Variants in ARRDC1 observed in about 807,000 individuals in gnomAD.
ARRDC1 encodes the protein arrestin domain-containing protein 1.
ARRDC1 carries 37 observed loss-of-function variants against 40.1 expected under a neutral mutation model. That is an observed-to-expected ratio of 0.92 (90% CI 0.71 to 1.21). The LOEUF is 1.21. Ranked by LOEUF, ARRDC1 falls within the 50% of genes most tolerant of loss-of-function variation. The probability of loss-of-function intolerance (pLI) is 0.00; values close to 1 mark genes in which losing one functional copy is unlikely to be tolerated. For synonymous variants in ARRDC1, 310 were observed against 262.5 expected (o/e 1.18, Z -1.75); for missense variants, 641 against 581.9 (o/e 1.10, Z -1.04).
At position 137,614,142 on chromosome 9, in the gene ARRDC1, A is replaced by G. The variant is rs2133346490; in HGVS notation, c.546A>G (p.Ala182=). 2 of 1,613,074 alleles carry G rather than the reference A, an allele frequency of 1.2e-6. No individual in the cohort carries two copies. The highest frequency in any genetic ancestry group is 1.7e-6 in the Non-Finnish European group (2 of 1,179,468). Residue 182 remains alanine, a synonymous_variant, in exon 5 of 8, where the codon GCA becomes GCG. Coordinates refer to ENST00000371421, the MANE Select transcript of ARRDC1 (RefSeq NM_152285.4). ...TCCGCGGCTATGTGGTGGGGCAGGC[A>G]CTGCAGCTGCATGCCGACGTTGAGA... is the stretch of plus-strand genomic sequence containing the variant. The part of the protein sequence containing the change: ...TDLRGYVVGQ[A]LQLHADVENQ...
Position 137,614,682 on chromosome 9 carries a change from G to C in ARRDC1, c.919G>C (p.Val307Leu), listed in dbSNP as rs1842629224. ...LGLPPGAPPL[V>L]VPSAPPQEEA... ...GCTGCCTCCTGGGGCCCCACCCCTG[G>C]TGGTGCCTTCCGCACCACCCCAGGA... Residue 307 changes from valine (V) to leucine (L), a missense_variant, in exon 7 of 8, where the codon GTG (valine) becomes CTG (leucine). By Grantham distance (32) the Val-to-Leu change is conservative. Transcript: ENST00000371421. 6.2e-7 allele frequency: 1 copy of C among 1,612,124 alleles called. No individual in the cohort carries two copies. Among genetic ancestry groups the C allele is most frequent in the Non-Finnish European group, 8.5e-7 (1 of 1,179,734 alleles).
At chr9:137,606,007 C>G (rs1842416368) in intron 1 of ARRDC1, among the ~76,000 whole-genome samples, 172 bp downstream of exon 1, 1 of 151,570 alleles carries the variant, frequency 6.6e-6, no homozygotes, top group Non-Finnish European at 1.5e-5. Flanking sequence ...GGCGGCGCCG[C>G]CCTTCCGCGT....
rs926979871 is a variant in ARRDC1, at chr9:137,614,432, C to T, written c.752C>T (p.Ala251Val). The change falls in exon 6 of 8, where the codon GCC becomes GTC. Residue 251 changes from alanine to valine, a missense_variant. Ala to Val is a moderately conservative substitution (Grantham distance 64). Transcript: ENST00000371421. ...CTGGTGCCTGCCTTGCCCCAGTCGG[C>T]CCTGCCGGGCTGCAGCCTCATCCAC... is the stretch of plus-strand genomic sequence containing the variant. ...QILVPALPQS[A>V]LPGCSLIHID... 4.3e-6 allele frequency: 7 copies of T among 1,613,208 alleles called. No individual in the cohort carries two copies. Among genetic ancestry groups the T allele is most frequent in the Non-Finnish European group, 5.1e-6 (6 of 1,179,954 alleles).
At chr9:137,610,832 G>A (rs764176629) in intron 1 of ARRDC1, among the ~76,000 whole-genome samples, 35 of 152,198 alleles carry the variant, frequency 2.3e-4, no homozygotes, top group Admixed American at 7.9e-4. Flanking sequence ...CGAAGTGCTG[G>A]GATTACAGGC....
At position 137,612,958 on chromosome 9, in the gene ARRDC1, G is replaced by T; in HGVS notation, c.181G>T (p.Val61Leu). Residue 61 changes from valine (V) to leucine (L), a missense_variant, in exon 2 of 8, where the codon GTA (valine) becomes TTA (leucine). By Grantham distance (32) the Val-to-Leu change is conservative. Transcript: ENST00000371421. ...VSNKANDTAW[V>L]VEEGYFNSSL... ...CAACAAGGCTAATGACACAGCGTGG[G>T]TAGTGGAGGAGGGTTACTTCAACAG... is the stretch of plus-strand genomic sequence containing the variant. The T allele has an allele frequency of 6.2e-7, 1 of 1,614,234 alleles. No homozygotes were observed. Among genetic ancestry groups the T allele is most frequent in the Non-Finnish European group, 8.5e-7 (1 of 1,180,020 alleles).
Position 137,615,056 on chromosome 9 carries a change from C to A in ARRDC1, c.1238-18C>A. The A allele has an allele frequency of 6.2e-7, 1 of 1,608,312 alleles. No homozygotes were observed. Among genetic ancestry groups the A allele is most frequent in the Non-Finnish European group, 8.5e-7 (1 of 1,176,942 alleles). ...GGGACGCCAAGAGCCCCACGCAGAC[C>A]CTGCTTTCTTCCCGCAGAGGCCCCA... On this transcript the variant is annotated intron_variant, in intron 7 of 7. Coordinates refer to ENST00000371421, the MANE Select transcript of ARRDC1 (RefSeq NM_152285.4).
rs761485602 is a variant in ARRDC1, at chr9:137,605,703, C to G, written c.-15C>G. On this transcript the variant is annotated 5_prime_UTR_variant, in exon 1 of 8. Coordinates refer to ENST00000371421, the MANE Select transcript of ARRDC1 (RefSeq NM_152285.4). Reference sequence around the variant, plus strand: ...GCGGGGGCGTCGCTGCGCGGCTGGCCGGTGAGGCCGCGGCATGGGGCGAGT... The same window carrying G: ...GCGGGGGCGTCGCTGCGCGGCTGGCGGGTGAGGCCGCGGCATGGGGCGAGT... 13 of 1,345,700 alleles carry G rather than the reference C, an allele frequency of 9.7e-6. No individual in the cohort carries two copies. The highest frequency in any genetic ancestry group is 1.5e-5 in the African/African-American group (1 of 64,944). 83.4% of individuals were successfully genotyped at this position (1,345,700 alleles called of 1,614,324 possible). A position where few individuals can be genotyped will look rare whatever the true frequency, so the allele number is the denominator to read the frequency against.
chr9:137,610,106 C>T (rs966746606), intron 1 of ARRDC1, among the ~76,000 whole-genome samples: 1 of 152,186 alleles, frequency 6.6e-6, no homozygotes, highest in Non-Finnish European at 1.5e-5. Context: ...AGCCACTGCG[C>T]CCGGCCGGGT....
chr9:137,613,032 T>C (rs1239638242), intron 2 of ARRDC1, 26 bp downstream of exon 2: 1 of 1,559,208 alleles, frequency 6.4e-7, no homozygotes, highest in East Asian at 2.2e-5. Flanking sequence ...AGTTCCCGAG[T>C]GGTGACCCCT....
rs759101358 is a variant in ARRDC1, at chr9:137,613,619, T to C, written c.285T>C (p.Thr95=). ...CAGTGCCTGCTCTCTCCCCAGCCAC[T>C]GCACCCACGTCCTTTGAGGGTCCTT... ...SFPFQFLLPA[T]APTSFEGPFG... is the part of the protein sequence containing the mutation. Residue 95 remains threonine (T), a synonymous_variant, in exon 4 of 8, where the codon ACT becomes ACC. Coordinates refer to ENST00000371421, the MANE Select transcript of ARRDC1 (RefSeq NM_152285.4). 1.9e-6 allele frequency: 3 copies of C among 1,614,216 alleles called. No homozygotes were observed. Among genetic ancestry groups the C allele is most frequent in the East Asian group, 2.2e-5 (1 of 44,888 alleles).
In ARRDC1 at chr9:137,614,448, C is replaced by G. The variant is rs1588992141; in HGVS notation, c.768C>G (p.Ser256Arg). 1 of 1,613,454 alleles carries G rather than the reference C, an allele frequency of 6.2e-7. No homozygotes were observed. The highest frequency in any genetic ancestry group is 8.5e-7 in the Non-Finnish European group (1 of 1,179,954). The change falls in exon 6 of 8, where the codon AGC (serine) becomes AGG (arginine). Residue 256 changes from serine to arginine, a missense_variant. By Grantham distance (110) the Ser-to-Arg change is moderately radical. Coordinates refer to ENST00000371421, the MANE Select transcript of ARRDC1 (RefSeq NM_152285.4). Reference protein sequence around the residue: ...ALPQSALPGCSLIHIDYYLQV... With the variant: ...ALPQSALPGCRLIHIDYYLQV... Reference sequence around the variant, plus strand: ...CCCAGTCGGCCCTGCCGGGCTGCAGCCTCATCCACATCGACTACTACTTAC... The same window carrying G: ...CCCAGTCGGCCCTGCCGGGCTGCAGGCTCATCCACATCGACTACTACTTAC...
chr9:137,610,052 G>C (rs1265395547), intron 1 of ARRDC1, among the ~76,000 whole-genome samples: 1 of 151,082 alleles, frequency 6.6e-6, no homozygotes, highest in Non-Finnish European at 1.5e-5. Flanking sequence ...CTGACCTCGT[G>C]ATCTGCCCGC....
chr9:137,612,843 C>T, intron 1 of ARRDC1, 53 bp from the exon 2 acceptor site: 1 of 1,428,628 alleles, frequency 7.0e-7, no homozygotes, highest in East Asian at 2.3e-5. Flanking sequence ...TGGCAGCAAG[C>T]AGGGGCCTGG....
chr9:137,612,630 G>A (rs1278885754), intron 1 of ARRDC1: 3 of 396,586 alleles, frequency 7.6e-6, no homozygotes, highest in East Asian at 5.6e-5. Context: ...TCATCTGGAT[G>A]AGCGTTGGGG....
rs1484545307 is a variant in ARRDC1, at chr9:137,615,268, A to G, written c.*130A>G. 2 of 883,144 alleles carry G rather than the reference A, an allele frequency of 2.3e-6. No homozygotes were observed. The allele number at this position is 883,144 out of a possible 1,614,324, so 54.7% of individuals were successfully genotyped here. A position where few individuals can be genotyped will look rare whatever the true frequency, so the allele number is the denominator to read the frequency against. Reference sequence around the variant, plus strand: ...CCCAGCCTCTGCCAGCTCCTCTGGCATCCGCCCTCTTCTCCCTGGGGCTGG... The same window carrying G: ...CCCAGCCTCTGCCAGCTCCTCTGGCGTCCGCCCTCTTCTCCCTGGGGCTGG... On this transcript the variant is annotated 3_prime_UTR_variant, in exon 8 of 8. Coordinates refer to ENST00000371421, the MANE Select transcript of ARRDC1 (RefSeq NM_152285.4).
chr9:137,607,596 A>T (rs1489946307), intron 1 of ARRDC1, among the ~76,000 whole-genome samples: 1 of 152,202 alleles, frequency 6.6e-6, no homozygotes, highest in Non-Finnish European at 1.5e-5. Context: ...CGGAGCACTC[A>T]TGGTGGGCCC....
chr9:137,607,069 C>G (rs533631357), intron 1 of ARRDC1, among the ~76,000 whole-genome samples: 1 of 152,316 alleles, frequency 6.6e-6, no homozygotes, highest in East Asian at 1.9e-4. Context: ...GCCCAAGAGC[C>G]GAGGGAGCAC....
Position 137,614,881 on chromosome 9 carries a change from C to G in ARRDC1, c.1118C>G (p.Pro373Arg), listed in dbSNP as rs772350263. 6.2e-7 allele frequency: 1 copy of G among 1,613,790 alleles called. No individual in the cohort carries two copies. Among genetic ancestry groups the G allele is most frequent in the South Asian group, 1.1e-5 (1 of 91,090 alleles). Residue 373 changes from proline to arginine, a missense_variant, in exon 7 of 8, where the codon CCC (proline) becomes CGC (arginine). By Grantham distance (103) the Pro-to-Arg change is moderately radical. Transcript: ENST00000371421. ...GSPASHPLHP[P>R]LCISTGATVP... ...CCTGCCTCACACCCGCTGCACCCTC[C>G]CTTGTGCATTTCAACAGGTGCCACT... is the stretch of plus-strand genomic sequence containing the variant.
At chr9:137,608,244 G>A (rs1294812667) in intron 1 of ARRDC1, among the ~76,000 whole-genome samples, 2 of 152,234 alleles carry the variant, frequency 1.3e-5, no homozygotes, top group Non-Finnish European at 2.9e-5. Flanking sequence ...GCCTCCCAAA[G>A]TGCTGGGATT....
Sources: gnomAD v4.1 joint callset for allele counts (sites outside exome capture counted in the v4.1 genomes callset) on GRCh38, gnomAD v4.1.1 for gene constraint, MANE v1.5 for transcripts, NCBI Gene and HGNC (gene_info 2026-07-23, HGNC 2026-07-21) for gene names.